The following C8orf34 variants were observed in gnomAD, a reference collection of about 807,000 sequenced individuals.
C8orf34 encodes chromosome 8 open reading frame 34.
A neutral mutation model predicts 68.3 loss-of-function variants in C8orf34; 65 were observed. The ratio of observed to expected loss-of-function variants is 0.95; its 90% CI spans 0.78 to 1.17. C8orf34 has a LOEUF of 1.17. Among genes scored for constraint, C8orf34 ranks in the 50% most tolerant of loss-of-function variants. The pLI, the probability that C8orf34 is intolerant of heterozygous loss-of-function variation, is 0.00. For synonymous variants in C8orf34, 244 were observed against 241.2 expected (o/e 1.01, Z -0.11); for missense variants, 664 against 655.4 (o/e 1.01, Z -0.14).
chr8:68,416,549 A>G (rs1343955964), intron 1 of C8orf34, among the ~76,000 whole-genome samples: 2 of 151,240 alleles, frequency 1.3e-5, no homozygotes, highest in African/African-American at 2.4e-5. Flanking sequence ...TTATTTATTT[A>G]GAGACGAAGT....
chr8:68,639,807 A>C (rs1210361762), intron 7 of C8orf34, among the ~76,000 whole-genome samples: 1 of 152,208 alleles, frequency 6.6e-6, no homozygotes, highest in African/African-American at 2.4e-5. Context: ...ATTCAGGTTT[A>C]CTGTTTTCCT....
At chr8:68,573,001 T>A (rs1197480018) in intron 7 of C8orf34, among the ~76,000 whole-genome samples, 1 of 152,138 alleles carries the variant, frequency 6.6e-6, no homozygotes, top group Non-Finnish European at 1.5e-5. Flanking sequence ...GGCTCTCCCA[T>A]CTTCATTCCT....
chr8:68,569,914 T>C (rs1816711397), intron 7 of C8orf34, among the ~76,000 whole-genome samples: 1 of 152,190 alleles, frequency 6.6e-6, no homozygotes, highest in African/African-American at 2.4e-5. Context: ...TTGAATGAAC[T>C]GCTAGAAAAG....
intron 8 of C8orf34, among the ~76,000 whole-genome samples, chr8:68,673,273 CT>C (rs888729356): frequency 6.6e-6 from 1 of 151,802 alleles, no homozygotes; most frequent in African/African-American, 2.4e-5. Flanking sequence ...TGTTTTTCAG[CT>C]TAAGTACCAG....
intron 12 of C8orf34, among the ~76,000 whole-genome samples, chr8:68,797,277 GT>G (rs1178261536): frequency 1.7e-4 from 26 of 152,302 alleles, no homozygotes; most frequent in Admixed American, 1.6e-3. Flanking sequence ...TCTCAATTTA[GT>G]GATGGGGAAA....
intron 6 of C8orf34, among the ~76,000 whole-genome samples, chr8:68,526,968 C>T (rs1032965113): frequency 6.6e-6 from 1 of 152,186 alleles, no homozygotes; most frequent in African/African-American, 2.4e-5. Flanking sequence ...AGGGGAGGTT[C>T]TGTGGGGTGA....
intron 12 of C8orf34, among the ~76,000 whole-genome samples, chr8:68,802,689 G>A (rs1001197968): frequency 6.6e-6 from 1 of 152,002 alleles, no homozygotes; most frequent in Admixed American, 6.6e-5. Context: ...GTGGAGACAA[G>A]GTTTCCCCAT....
intron 12 of C8orf34, among the ~76,000 whole-genome samples, chr8:68,801,310 C>G (rs1002870039): frequency 2.0e-5 from 3 of 152,170 alleles, no homozygotes; most frequent in Middle Eastern, 3.2e-3. Flanking sequence ...TTTGGATACT[C>G]TCTTTGAAAA....
At chr8:68,360,751 C>CTT (rs1806949851) in intron 1 of C8orf34, among the ~76,000 whole-genome samples, 2 of 145,936 alleles carry the variant, frequency 1.4e-5, no homozygotes, top group African/African-American at 5.4e-5. Context: ...TCCTTTTCTT[C>CTT]CTTTCTTTTT....
chr8:68,477,294 G>A (rs1208748941), intron 4 of C8orf34, among the ~76,000 whole-genome samples: 1 of 152,200 alleles, frequency 6.6e-6, no homozygotes, highest in Non-Finnish European at 1.5e-5. Flanking sequence ...ATGATCCTAA[G>A]CAAGTTTGCA....
intron 1 of C8orf34, among the ~76,000 whole-genome samples, chr8:68,336,369 C>A (rs567549259): frequency 6.6e-6 from 1 of 151,816 alleles, no homozygotes; most frequent in Non-Finnish European, 1.5e-5. Flanking sequence ...AGATTTGTTA[C>A]GTACAAGGTG....
rs867016309 is a variant in C8orf34, at chr8:68,722,739, C to T, written c.1404+1302C>T. 3.3e-5 allele frequency among the ~76,000 whole-genome samples: 5 copies of T among 151,944 alleles called. No homozygotes were observed. The South Asian group carries it at 8.3e-4, about 25-fold the overall frequency. On this transcript the variant is annotated intron_variant, in intron 10 of 13. Transcript: ENST00000518698. The stretch of plus-strand genomic sequence containing the variant: ...TTTTTGTACATTTTTTTCACTTCCA[C>T]ATCTCTAGAGGAGTACCTACACACA...
intron 8 of C8orf34, among the ~76,000 whole-genome samples, chr8:68,662,017 T>C (rs984801799): frequency 6.6e-6 from 1 of 152,106 alleles, no homozygotes; most frequent in Non-Finnish European, 1.5e-5. Flanking sequence ...GTTAATTATA[T>C]GCAAATACCT....
chr8:68,478,746 G>A (rs1812730943), intron 4 of C8orf34, among the ~76,000 whole-genome samples: 1 of 152,178 alleles, frequency 6.6e-6, no homozygotes, highest in Non-Finnish European at 1.5e-5. Flanking sequence ...GAAGGGGGAT[G>A]AGCCTCTTAT....
rs201439063 is a variant in C8orf34 at position 68,568,907 on chromosome 8, CG to C, written c.1105+35759del. ...CTCTTGCGCTGCACAACTCTGCCAT[CG>C]TAAACTTGAAATTAGTCACAGATAA... On this transcript the variant is annotated intron_variant, in intron 7 of 13. Transcript: ENST00000518698. Among the ~76,000 whole-genome samples the C allele has an allele frequency of 7.9e-3, 1,093 of 137,626 alleles. 17 individuals carry two copies. Among genetic ancestry groups the C allele is most frequent in the African/African-American group, 0.034 (1,019 of 29,802 alleles). The allele number at this position is 137,626 out of a possible 152,430, so 90.3% of individuals were successfully genotyped here.
In C8orf34 at chr8:68,482,518, T is replaced by G. The variant is rs1812904174; in HGVS notation, c.737-5505T>G. ...TCGAACTCCTGAGTTCAAGTGATCC[T>G]CCCACCTCGGCTTCCCAAAGTGTTA... On this transcript the variant is annotated intron_variant, in intron 4 of 13. Transcript: ENST00000518698. 2.0e-5 allele frequency among the ~76,000 whole-genome samples: 3 copies of G among 152,170 alleles called. No individual in the cohort carries two copies. The South Asian group carries it at 6.2e-4, about 32-fold the overall frequency.
At chr8:68,804,337 T>C (rs1264035919) in intron 12 of C8orf34, among the ~76,000 whole-genome samples, 1 of 152,196 alleles carries the variant, frequency 6.6e-6, no homozygotes, top group Non-Finnish European at 1.5e-5. Context: ...TGGCTAGAGA[T>C]TTAATACCTA....
At chr8:68,652,476 A>G (rs1218339949) in intron 8 of C8orf34, among the ~76,000 whole-genome samples, 2 of 152,164 alleles carry the variant, frequency 1.3e-5, no homozygotes, top group East Asian at 3.9e-4. Context: ...TATCTAAGAA[A>G]CTATTGCTTC....
At position 68,623,775 on chromosome 8, in the gene C8orf34, A is replaced by G. The variant is rs555697501; in HGVS notation, c.1106-16601A>G. ...GAGAGAGCTCACTGGGGTCCCTCCTATAAGGACACTAATCCTATTCATGAG... is the reference window on the plus strand; with the variant it reads ...GAGAGAGCTCACTGGGGTCCCTCCTGTAAGGACACTAATCCTATTCATGAG... On this transcript the variant is annotated intron_variant, in intron 7 of 13. Coordinates refer to ENST00000518698, the MANE Select transcript of C8orf34 (RefSeq NM_052958.4). 3.3e-5 allele frequency among the ~76,000 whole-genome samples: 5 copies of G among 152,094 alleles called. No individual in the cohort carries two copies. The South Asian group carries it at 8.3e-4, about 25-fold the overall frequency.
Sources: gnomAD v4.1 joint callset for allele counts (sites outside exome capture counted in the v4.1 genomes callset) on GRCh38, gnomAD v4.1.1 for gene constraint, MANE v1.5 for transcripts, NCBI Gene and HGNC (gene_info 2026-07-23, HGNC 2026-07-21) for gene names.